Variants in RAB6A observed in about 807,000 individuals in gnomAD.
RAB6A encodes the protein RAB6A, member RAS oncogene family, also known as ras-related protein Rab-6A.
Under a neutral mutation model 32.3 loss-of-function variants are expected in RAB6A, and 8 were observed. The observed-to-expected ratio is 0.25, with a 90% confidence interval of 0.15 to 0.45. The LOEUF is 0.45. Ranked by LOEUF, RAB6A falls within the 20% of genes least tolerant of loss-of-function variation. RAB6A has a pLI of 1.00. For missense variants in RAB6A, 104 were observed against 249.4 expected, an observed-to-expected ratio of 0.42 and a Z score of 3.93; for synonymous variants, 73 against 82.1, an observed-to-expected ratio of 0.89 and a Z score of 0.60.
At chr11:73,752,718 C>T (rs1034585798) in intron 1 of RAB6A, among the ~76,000 whole-genome samples, 17 of 150,840 alleles carry the variant, frequency 1.1e-4, no homozygotes, top group African/African-American at 3.9e-4. Flanking sequence ...CTCAAGAGGC[C>T]GAGGTGGGAG....
intron 6 of RAB6A, among the ~76,000 whole-genome samples, chr11:73,690,348 C>T (rs963549683): frequency 1.3e-5 from 2 of 152,152 alleles, no homozygotes; most frequent in Non-Finnish European, 2.9e-5. Flanking sequence ...TTCTCTAACT[C>T]ACTCCCCAGT....
chr11:73,709,110 T>C (rs532759729), intron 5 of RAB6A, among the ~76,000 whole-genome samples: 2 of 152,214 alleles, frequency 1.3e-5, no homozygotes, highest in East Asian at 2.0e-4. Context: ...GCAGTGTGAA[T>C]TTCCTAAAAA....
intron 1 of RAB6A, among the ~76,000 whole-genome samples, chr11:73,739,284 A>AAAAAAAT (rs1208877325): frequency 1.2e-3 from 8 of 6,756 alleles, no homozygotes; most frequent in Admixed American, 3.4e-3. Flanking sequence ...AAAAAAAAAA[A>AAAAAAAT]ATATATATAT....
At chr11:73,692,619 A>G (rs1945588015) in intron 6 of RAB6A, among the ~76,000 whole-genome samples, 1 of 151,162 alleles carries the variant, frequency 6.6e-6, no homozygotes, top group Non-Finnish European at 1.5e-5. Context: ...ACAGTGAGGG[A>G]AAACTCTGAC....
chr11:73,705,772 G>GAC (rs1166819783), intron 6 of RAB6A, among the ~76,000 whole-genome samples: 1 of 138,152 alleles, frequency 7.2e-6, no homozygotes, highest in Non-Finnish European at 1.7e-5. Flanking sequence ...TCCGATGAGA[G>GAC]AGAGAGAGAG....
chr11:73,757,462 G>C (rs1460773137), intron 1 of RAB6A, among the ~76,000 whole-genome samples: 1 of 151,660 alleles, frequency 6.6e-6, no homozygotes, highest in Admixed American at 6.6e-5. Context: ...ATGAACCACC[G>C]CACCCAGCCT....
chr11:73,753,423 C>T (rs1946698271), intron 1 of RAB6A, among the ~76,000 whole-genome samples: 1 of 151,892 alleles, frequency 6.6e-6, no homozygotes, highest in South Asian at 2.1e-4. Flanking sequence ...TCTCCAACTC[C>T]AGACCTCGCC....
chr11:73,739,737 A>G (rs77147359), intron 1 of RAB6A, among the ~76,000 whole-genome samples: 2,249 of 152,166 alleles, frequency 0.015, 37 homozygotes, highest in Non-Finnish European at 0.021. Flanking sequence ...GATTCACACA[A>G]TCTAAGACTG....
chr11:73,739,280 A>ATT (rs1389085059), intron 1 of RAB6A, among the ~76,000 whole-genome samples: 273 of 18,416 alleles, frequency 0.015, 12 homozygotes, highest in Non-Finnish European at 0.033. Context: ...AAAAAAAAAA[A>ATT]AAAAATATAT....
intron 1 of RAB6A, chr11:73,759,919 GCTACCCCTTTCACCCCCAACCACCCC>G: frequency 1.3e-6 from 1 of 761,174 alleles, no homozygotes; most frequent in South Asian, 1.6e-5. Context: ...CACTGCCGAC[GCTACCCCTTTCACCCCCAACCACCCC>G]ATGCTCAAGT....
intron 6 of RAB6A, among the ~76,000 whole-genome samples, chr11:73,683,965 A>G (rs1344533087): frequency 6.6e-6 from 1 of 152,300 alleles, no homozygotes; most frequent in Non-Finnish European, 1.5e-5. Flanking sequence ...AGAAAACTAC[A>G]TTGTATTAAT....
intron 2 of RAB6A, among the ~76,000 whole-genome samples, chr11:73,725,927 C>T (rs1468243633): frequency 1.3e-5 from 2 of 151,804 alleles, no homozygotes; most frequent in Non-Finnish European, 2.9e-5. Flanking sequence ...CCGAGGCAGC[C>T]GGATTGCTTG....
intron 6 of RAB6A, among the ~76,000 whole-genome samples, chr11:73,699,570 T>C (rs1590839018): frequency 6.6e-6 from 1 of 152,230 alleles, no homozygotes; most frequent in East Asian, 1.9e-4. Context: ...GCGCCTGGCC[T>C]TGCTTCTCAA....
chr11:73,703,571 G>A (rs1945781386), intron 6 of RAB6A, among the ~76,000 whole-genome samples: 1 of 151,918 alleles, frequency 6.6e-6, no homozygotes, highest in African/African-American at 2.4e-5. Flanking sequence ...GCAAAACCCT[G>A]TCTCTACAAA....
At chr11:73,690,820 T>A (rs947784152) in intron 6 of RAB6A, among the ~76,000 whole-genome samples, 17 of 150,472 alleles carry the variant, frequency 1.1e-4, no homozygotes, top group African/African-American at 3.9e-4. Context: ...TAAGTGTCTC[T>A]GGACTCAGCT....
intron 2 of RAB6A, among the ~76,000 whole-genome samples, chr11:73,722,058 T>TATATA (rs1270436615): frequency 6.1e-5 from 9 of 147,746 alleles, no homozygotes; most frequent in Middle Eastern, 3.5e-3. Flanking sequence ...TCTGCCATGA[T>TATATA]TGTAAGTTTC....
intron 6 of RAB6A, among the ~76,000 whole-genome samples, chr11:73,694,252 ACT>A (rs1945622393): frequency 1.3e-5 from 2 of 152,356 alleles, no homozygotes; most frequent in Middle Eastern, 3.4e-3. Flanking sequence ...AAGAAAAGAC[ACT>A]GAGTACTTAC....
intron 5 of RAB6A, among the ~76,000 whole-genome samples, chr11:73,715,193 T>C (rs1322183669): frequency 3.9e-5 from 6 of 152,044 alleles, no homozygotes; most frequent in Non-Finnish European, 7.4e-5. Context: ...ATGGCACAAT[T>C]TCAGCTCACT....
chr11:73,684,072 C>G (rs1044706259), intron 6 of RAB6A, among the ~76,000 whole-genome samples: 1 of 152,228 alleles, frequency 6.6e-6, no homozygotes, highest in African/African-American at 2.4e-5. Flanking sequence ...GACCTTCCAA[C>G]AGCAAAAACA....
Sources: gnomAD v4.1 joint callset for allele counts (sites outside exome capture counted in the v4.1 genomes callset) on GRCh38, gnomAD v4.1.1 for gene constraint, MANE v1.5 for transcripts, NCBI Gene and HGNC (gene_info 2026-07-23, HGNC 2026-07-21) for gene names.